The following FTO variants were observed in gnomAD, a reference collection of about 807,000 sequenced individuals.
FTO encodes the protein alpha-ketoglutarate-dependent dioxygenase FTO.
FTO carries 47 observed loss-of-function variants against 63.9 expected under a neutral mutation model. That is an observed-to-expected ratio of 0.74 (90% confidence interval 0.58 to 0.94). The LOEUF (loss-of-function observed/expected upper bound fraction) is 0.94. FTO is among the 40% of genes least tolerant of loss of function. The probability of loss-of-function intolerance (pLI) is 0.00; values close to 1 mark genes in which losing one functional copy is unlikely to be tolerated. For synonymous variants in FTO, 207 were observed against 224.4 expected, an observed-to-expected ratio of 0.92 and a Z score of 0.69; for missense variants, 562 against 618.1, an observed-to-expected ratio of 0.91 and a Z score of 0.96.
At chr16:54,107,311 C>T (rs192601720) in intron 8 of FTO, among the ~76,000 whole-genome samples, 1 of 152,070 alleles carries the variant, frequency 6.6e-6, no homozygotes, top group Non-Finnish European at 1.5e-5. Flanking sequence ...GAAACTGTAA[C>T]TTTCTAATTG....
chr16:54,113,714 T>C lies in FTO; in HGVS notation c.*1799T>C, dbSNP rs1420775557. 1.3e-5 allele frequency: 2 copies of C among 152,226 alleles called. No homozygotes were observed. Among genetic ancestry groups the C allele is most frequent in the African/African-American group, 4.8e-5 (2 of 41,450 alleles). The allele number at this position is 152,226 out of a possible 1,614,324, so 9.4% of individuals were successfully genotyped here. A position where few individuals can be genotyped will look rare whatever the true frequency, so the allele number is the denominator to read the frequency against. The stretch of plus-strand genomic sequence containing the variant: ...AGCCCAGTGTTTTCTTTAGCCCCTA[T>C]GATGTTCATTTTTTGTTATATCCCA... On this transcript the variant is annotated 3_prime_UTR_variant, in exon 9 of 9. Coordinates refer to ENST00000471389, the MANE Select transcript of FTO (RefSeq NM_001080432.3).
intron 6 of FTO, among the ~76,000 whole-genome samples, chr16:53,886,272 G>A (rs757004375): frequency 6.6e-6 from 1 of 152,174 alleles, no homozygotes; most frequent in Admixed American, 6.5e-5. Flanking sequence ...TCTATTTCCA[G>A]AGTCACCATG....
chr16:53,786,170 C>A (rs2077734676), intron 1 of FTO, among the ~76,000 whole-genome samples: 1 of 152,116 alleles, frequency 6.6e-6, no homozygotes, highest in Non-Finnish European at 1.5e-5. Flanking sequence ...AAAGTTGATA[C>A]ACTGCCCCTA....
At chr16:53,774,466 C>T (rs954317311) in intron 1 of FTO, among the ~76,000 whole-genome samples, 2 of 152,144 alleles carry the variant, frequency 1.3e-5, no homozygotes, top group Non-Finnish European at 2.9e-5. Flanking sequence ...ACTTCTGCAT[C>T]TGTGTAGATA....
intron 4 of FTO, among the ~76,000 whole-genome samples, chr16:53,860,509 G>A (rs116302561): frequency 0.011 from 1,673 of 152,274 alleles, 25 homozygotes; most frequent in South Asian, 0.058. Context: ...GAAGTAGGAC[G>A]CTGGCATCTG....
chr16:53,876,952 C>T (rs2151884944), intron 5 of FTO, among the ~76,000 whole-genome samples: 1 of 152,290 alleles, frequency 6.6e-6, no homozygotes, highest in East Asian at 1.9e-4. Flanking sequence ...AGAAGGTATA[C>T]AAATGGCCAA....
At chr16:53,857,835 T>G (rs1359353744) in intron 4 of FTO, among the ~76,000 whole-genome samples, 1 of 152,238 alleles carries the variant, frequency 6.6e-6, no homozygotes, top group Non-Finnish European at 1.5e-5. Flanking sequence ...AAAGGTATTC[T>G]GTGCATGGAT....
At position 53,788,264 on chromosome 16, in the gene FTO, T is replaced by A. The variant is rs113819629; in HGVS notation, c.46-21876T>A. On this transcript the variant is annotated intron_variant, in intron 1 of 8. Coordinates refer to ENST00000471389, the MANE Select transcript of FTO (RefSeq NM_001080432.3). The stretch of plus-strand genomic sequence containing the variant: ...TCTTTCTCTACTCTTAACATTTTTT[T>A]CCCCCACCTCTTTGGCTATATGCTG... Among the ~76,000 whole-genome samples the A allele has an allele frequency of 7.0e-3, 1,009 of 143,708 alleles. 9 individuals carry two copies. Among genetic ancestry groups the A allele is most frequent in the Middle Eastern group, 0.055 (15 of 272 alleles). The allele number at this position is 143,708 out of a possible 152,430, so 94.3% of individuals were successfully genotyped here.
intron 8 of FTO, among the ~76,000 whole-genome samples, chr16:54,002,573 A>C (rs985361826): frequency 6.6e-6 from 1 of 152,238 alleles, no homozygotes; most frequent in African/African-American, 2.4e-5. Context: ...ACTTAGGGAC[A>C]GTTTCATGGA....
chr16:53,882,386 A>C (rs992723854), intron 6 of FTO, among the ~76,000 whole-genome samples: 7 of 151,634 alleles, frequency 4.6e-5, no homozygotes, highest in African/African-American at 7.3e-5. Flanking sequence ...AAAAAAAAAA[A>C]AACAGAGCAA....
At chr16:53,711,382 C>T (rs977638557) in intron 1 of FTO, 8 of 398,282 alleles carry the variant, frequency 2.0e-5, no homozygotes, top group African/African-American at 8.2e-5. Flanking sequence ...GATTAAGTGT[C>T]GAGTAGTGTA....
chr16:53,759,138 C>T (rs1291199903), intron 1 of FTO, among the ~76,000 whole-genome samples: 1 of 152,056 alleles, frequency 6.6e-6, no homozygotes, highest in Non-Finnish European at 1.5e-5. Context: ...TGAAATTTTC[C>T]ATTATACAAC....
At chr16:53,981,365 A>G (rs1488397989) in intron 8 of FTO, 1 of 152,292 alleles carries the variant, frequency 6.6e-6, no homozygotes, top group Non-Finnish European at 1.5e-5. Context: ...ATCCAAAGGT[A>G]AAGGCCCATA....
chr16:53,703,977 C>T (rs893297778), upstream of FTO: 11 of 646,520 alleles, frequency 1.7e-5, no homozygotes, highest in Middle Eastern at 3.3e-4. Context: ...GCTCTTCCAG[C>T]TGTCGGACCT....
intron 1 of FTO, among the ~76,000 whole-genome samples, chr16:53,731,749 T>C (rs2076274512): frequency 8.6e-6 from 1 of 116,468 alleles, no homozygotes; most frequent in African/African-American, 4.3e-5. Context: ...ATGTTTGTAC[T>C]TTTTTTTTTT....
rs1011085688 is a variant in FTO, at chr16:53,937,609, T to G, written c.1364+3500T>G. ...ATGGAAGTTTAACTGCAATCGTGAG[T>G]GAGAGGAGGGTGGGGCCCGGCGTAT... On this transcript the variant is annotated intron_variant, in intron 8 of 8. Transcript: ENST00000471389. 6 of 201,474 alleles carry G rather than the reference T, an allele frequency of 3.0e-5. No individual in the cohort carries two copies. In the East Asian group the frequency reaches 6.5e-4, roughly 22 times the overall value. 12.5% of individuals were successfully genotyped at this position (201,474 alleles called of 1,614,324 possible).
chr16:53,728,582 A>G (rs1351311036), intron 1 of FTO, among the ~76,000 whole-genome samples: 1 of 152,150 alleles, frequency 6.6e-6, no homozygotes, highest in Non-Finnish European at 1.5e-5. Context: ...AAACAAACAA[A>G]TAATGACTTT....
At chr16:54,054,662 G>A (rs1599283887) in intron 8 of FTO, 1 of 152,294 alleles carries the variant, frequency 6.6e-6, no homozygotes, top group Middle Eastern at 3.4e-3. Flanking sequence ...AGTAATTGGT[G>A]ACTGGCTGCT....
chr16:53,905,380 C>A (rs1245676827), intron 7 of FTO, among the ~76,000 whole-genome samples: 1 of 152,138 alleles, frequency 6.6e-6, no homozygotes, highest in Non-Finnish European at 1.5e-5. Flanking sequence ...ATAATAGTAT[C>A]TCCCTTAGCA....
Sources: gnomAD v4.1 joint callset for allele counts (sites outside exome capture counted in the v4.1 genomes callset) on GRCh38, gnomAD v4.1.1 for gene constraint, MANE v1.5 for transcripts, NCBI Gene and HGNC (gene_info 2026-07-23, HGNC 2026-07-21) for gene names.